GBF1: variants seen among roughly 807,000 people sequenced by gnomAD.
GBF1 encodes Golgi-specific brefeldin A-resistance guanine nucleotide exchange factor 1.
In GBF1, 114 loss-of-function variants were observed where a neutral mutation model predicts 210.5. That is an observed-to-expected ratio of 0.54 (90% CI 0.47 to 0.63). The LOEUF is 0.63. Ranked by LOEUF, GBF1 falls within the 30% of genes least tolerant of loss-of-function variation. GBF1 has a pLI of 0.00. For synonymous variants in GBF1, 850 were observed against 889.2 expected (o/e 0.96, Z 0.78); for missense variants, 1,851 against 2,357.7 (o/e 0.79, Z 4.45).
rs112061268 is a variant in GBF1 at position 102,276,965 on chromosome 10, TACAC to T, written c.163+16873_163+16876del. ...GTCTCCCATATGTCCTTTTGCTACT[TACAC>T]ACACACACACACACACACACACATG... is the stretch of plus-strand genomic sequence containing the variant. On this transcript the variant is annotated intron_variant, in intron 3 of 39. Coordinates refer to ENST00000369983, the MANE Select transcript of GBF1 (RefSeq NM_001377137.1). Among the ~76,000 whole-genome samples the T allele has an allele frequency of 7.8e-3, 1,161 of 148,696 alleles. 24 individuals are homozygous for T. The highest frequency in any genetic ancestry group is 0.041 in the Admixed American group (616 of 14,912).
At chr10:102,357,831 T>C (rs1010618959) in intron 8 of GBF1, among the ~76,000 whole-genome samples, 1 of 152,162 alleles carries the variant, frequency 6.6e-6, no homozygotes, top group Non-Finnish European at 1.5e-5. Context: ...ACCTTCTACA[T>C]GGAGGCTGCC....
chr10:102,315,587 A>G (rs2078857458), intron 3 of GBF1, among the ~76,000 whole-genome samples: 1 of 152,158 alleles, frequency 6.6e-6, no homozygotes, highest in Non-Finnish European at 1.5e-5. Flanking sequence ...GATTCTCATA[A>G]GGAGCACCAA....
At chr10:102,230,918 T>G in the GBF1 span, 1 of 1,611,746 alleles carries the variant, frequency 6.2e-7, no homozygotes, top group South Asian at 1.1e-5. Context: ...AATGGAAAGG[T>G]CTTGGCGGCG....
intron 8 of GBF1, among the ~76,000 whole-genome samples, chr10:102,355,657 T>C (rs1203445743): frequency 6.6e-6 from 1 of 152,124 alleles, no homozygotes; most frequent in Non-Finnish European, 1.5e-5. Context: ...GAAAAACTGA[T>C]CCTCGTATGG....
At chr10:102,340,757 A>G (rs1208971421) in intron 3 of GBF1, among the ~76,000 whole-genome samples, 1 of 152,172 alleles carries the variant, frequency 6.6e-6, no homozygotes, top group Non-Finnish European at 1.5e-5. Flanking sequence ...AAACAGTAGG[A>G]AATTCTTAGG....
At chr10:102,314,141 C>CTTTTTTT (rs753694140) in intron 3 of GBF1, among the ~76,000 whole-genome samples, 1 of 119,924 alleles carries the variant, frequency 8.3e-6, no homozygotes, top group African/African-American at 3.0e-5. Flanking sequence ...TTAAACATAT[C>CTTTTTTT]TTTTTTTTTT....
intron 4 of GBF1, among the ~76,000 whole-genome samples, chr10:102,347,047 T>C (rs2058623826): frequency 6.6e-6 from 1 of 152,236 alleles, no homozygotes; most frequent in South Asian, 2.1e-4. Context: ...GATTTCTTTT[T>C]TAGTTGGTCT....
intron 14 of GBF1, 138 bp downstream of exon 14, chr10:102,362,050 CTTTTTTTTTTTTTTTTTT>C (rs1164670758): frequency 7.2e-5 from 9 of 124,748 alleles, no homozygotes; most frequent in African/African-American, 4.7e-4. Flanking sequence ...CTTTTCTTTT[CTTTTTTTTTTTTTTTTTT>C]TTTTTTGAGA....
intron 3 of GBF1, among the ~76,000 whole-genome samples, chr10:102,309,137 T>C (rs2078192117): frequency 6.6e-6 from 1 of 152,196 alleles, no homozygotes; most frequent in Non-Finnish European, 1.5e-5. Flanking sequence ...TGTTGTCTTA[T>C]TAGAGCTGAT....
rs1405608295 is a variant in GBF1 at position 102,287,350 on chromosome 10, T to A, written c.163+27234T>A. The stretch of plus-strand genomic sequence containing the variant: ...GTTTCTTTTATTTTATTTTCTTTTT[T>A]TTTTTTTTTTTTTTTTTTTTTGAGA... On this transcript the variant is annotated intron_variant, in intron 3 of 39. Coordinates refer to ENST00000369983, the MANE Select transcript of GBF1 (RefSeq NM_001377137.1). Among the ~76,000 whole-genome samples the A allele has an allele frequency of 7.2e-3, 493 of 68,348 alleles. 2 individuals are homozygous for A. The highest frequency in any genetic ancestry group is 0.011 in the Admixed American group (68 of 6,304). 44.8% of individuals were successfully genotyped at this position (68,348 alleles called of 152,430 possible). A position where few individuals can be genotyped will look rare whatever the true frequency, so the allele number is the denominator to read the frequency against.
intron 17 of GBF1, among the ~76,000 whole-genome samples, chr10:102,365,093 G>A (rs1286738987): frequency 1.3e-5 from 2 of 152,184 alleles, no homozygotes; most frequent in Non-Finnish European, 2.9e-5. Context: ...AAACTGGAGA[G>A]AAGAATTACC....
At chr10:102,231,597 G>A in the GBF1 span, 2 of 1,601,672 alleles carry the variant, frequency 1.2e-6, no homozygotes, top group Middle Eastern at 1.8e-4. Context: ...CCCGCACGCG[G>A]GCCTCGGTGA....
intron 3 of GBF1, among the ~76,000 whole-genome samples, chr10:102,324,488 T>C (rs1330627624): frequency 6.6e-6 from 1 of 152,208 alleles, no homozygotes; most frequent in Admixed American, 6.5e-5. Flanking sequence ...TGCTAAATGA[T>C]TGTGGAAAAA....
chr10:102,256,039 G>A (rs1471064455), intron 1 of GBF1, among the ~76,000 whole-genome samples: 2 of 152,172 alleles, frequency 1.3e-5, no homozygotes, highest in Non-Finnish European at 2.9e-5. Context: ...TCAATCTACC[G>A]GCCTCAAGCA....
At chr10:102,367,884 G>A (rs557415517) in intron 21 of GBF1, among the ~76,000 whole-genome samples, 3 of 152,362 alleles carry the variant, frequency 2.0e-5, no homozygotes, top group Admixed American at 6.5e-5. Flanking sequence ...GATGGGCACT[G>A]GAGTGTGAGG....
intron 29 of GBF1, among the ~76,000 whole-genome samples, chr10:102,372,000 G>A (rs541406183): frequency 2.1e-3 from 323 of 151,396 alleles, no homozygotes; most frequent in Middle Eastern, 0.01. Context: ...GGTGGATCAC[G>A]AGGTCAGGAG....
intron 3 of GBF1, among the ~76,000 whole-genome samples, chr10:102,279,068 G>T (rs1193419376): frequency 6.6e-6 from 1 of 152,188 alleles, no homozygotes. Context: ...TTGAGTGGTT[G>T]CTTAAAATAC....
At chr10:102,262,127 C>T (rs987148464) in intron 3 of GBF1, among the ~76,000 whole-genome samples, 16 of 152,282 alleles carry the variant, frequency 1.1e-4, no homozygotes, top group Admixed American at 5.2e-4. Context: ...TCAAGTGATC[C>T]GCCCACCTTG....
chr10:102,355,661 C>T (rs1383691822), intron 8 of GBF1, among the ~76,000 whole-genome samples: 5 of 152,132 alleles, frequency 3.3e-5, no homozygotes, highest in African/African-American at 4.8e-5. Flanking sequence ...AACTGATCCT[C>T]GTATGGGAAG....
Sources: gnomAD v4.1 joint callset for allele counts (sites outside exome capture counted in the v4.1 genomes callset) on GRCh38, gnomAD v4.1.1 for gene constraint, MANE v1.5 for transcripts, NCBI Gene and HGNC (gene_info 2026-07-23, HGNC 2026-07-21) for gene names.